CASP8: variants seen among roughly 807,000 people sequenced by gnomAD.
CASP8 encodes the protein caspase-8.
CASP8 carries 24 observed loss-of-function variants against 46.3 expected under a neutral mutation model. That is an observed-to-expected ratio of 0.52 (90% CI 0.38 to 0.73). The LOEUF is 0.73. Ranked by LOEUF, CASP8 falls within the 30% of genes least tolerant of loss-of-function variation. The probability of loss-of-function intolerance (pLI) is 0.00; values close to 1 mark genes in which losing one functional copy is unlikely to be tolerated. For synonymous variants in CASP8, 188 were observed against 200.4 expected (o/e 0.94, Z 0.52); for missense variants, 460 against 559.0 (o/e 0.82, Z 1.79).
At chr2:201,247,591 G>T (rs1314511585) in intron 2 of CASP8, among the ~76,000 whole-genome samples, 1 of 150,948 alleles carries the variant, frequency 6.6e-6, no homozygotes, top group Non-Finnish European at 1.5e-5. Flanking sequence ...TGATTCTCAT[G>T]CCTCAGCCTC....
At chr2:201,247,978 C>G (rs1946614581) in intron 2 of CASP8, among the ~76,000 whole-genome samples, 1 of 151,996 alleles carries the variant, frequency 6.6e-6, no homozygotes, top group Non-Finnish European at 1.5e-5. Flanking sequence ...GGGGGTCTCA[C>G]TATGTTTGTC....
chr2:201,234,400 G>C (rs529890150), intron 2 of CASP8, among the ~76,000 whole-genome samples: 2 of 152,160 alleles, frequency 1.3e-5, no homozygotes, highest in Non-Finnish European at 2.9e-5. Context: ...TGGGTAGTAC[G>C]CAGACATTAT....
rs34755805 is a variant in CASP8, at chr2:201,268,978, G to A, written c.305+2187G>A. 4.0e-3 allele frequency among the ~76,000 whole-genome samples: 588 copies of A among 148,702 alleles called. 1 individual carries two copies. Among genetic ancestry groups the A allele is most frequent in the African/African-American group, 0.014 (574 of 40,512 alleles). ...GTGTGAGACAGTGTCTCACTACATC[G>A]CCCAAGCTGGAGTGCAGTGGCATGA... On this transcript the variant is annotated intron_variant, in intron 2 of 8. Transcript: ENST00000673742.
Position 201,272,747 on chromosome 2 carries a change from TAATC to T in CASP8, c.524_527del (p.Ile175ThrfsTer30), listed in dbSNP as rs754434271. On this transcript the variant is annotated frameshift_variant, in exon 4 of 9. Transcript: ENST00000673742. LOFTEE classifies it high-confidence loss of function. The surrounding 1 kb of genome is among the most constrained non-coding windows in gnomAD (Gnocchi z 4.4). Reference sequence around the variant, plus strand: ...CAAATCAACAAGAGCCTGCTGAAGATAATCAACGACTATGAAGAATTCAGCAAAG... The same window carrying T: ...CAAATCAACAAGAGCCTGCTGAAGATAACGACTATGAAGAATTCAGCAAAG... 1.2e-6 allele frequency: 2 copies of T among 1,614,084 alleles called. No homozygotes were observed. Among genetic ancestry groups the T allele is most frequent in the Non-Finnish European group, 1.7e-6 (2 of 1,180,044 alleles).
At position 201,287,527 on chromosome 2, in the gene CASP8, A is replaced by G. The variant is rs926930276; in HGVS notation, c.*933A>G. The G allele has an allele frequency of 1.3e-5, 2 of 154,654 alleles. No homozygotes were observed. Among genetic ancestry groups the G allele is most frequent in the Admixed American group, 1.3e-4 (2 of 15,282 alleles). 9.6% of individuals were successfully genotyped at this position (154,654 alleles called of 1,614,324 possible). ...CCTTCTTATTGCTTTTATGATATAT[A>G]TATGCTTGGCTAACTATATTTGCTT... is the stretch of plus-strand genomic sequence containing the variant. On this transcript the variant is annotated 3_prime_UTR_variant, in exon 9 of 9. Transcript: ENST00000673742.
At chr2:201,258,015 G>A (rs150945202), upstream of CASP8, 2 of 563,160 alleles carry the variant, frequency 3.6e-6, no homozygotes, top group Non-Finnish European at 6.3e-6. Flanking sequence ...CTTTAAACAG[G>A]AAACATTTCT....
intron 8 of CASP8, among the ~76,000 whole-genome samples, chr2:201,286,143 G>A (rs1949546584): frequency 1.3e-5 from 2 of 152,244 alleles, no homozygotes; most frequent in Non-Finnish European, 1.5e-5. Flanking sequence ...GGGCATTGAA[G>A]CAATGGGGAG....
At chr2:201,242,200 T>C (rs555247816) in intron 2 of CASP8, 2 of 152,282 alleles carry the variant, frequency 1.3e-5, no homozygotes, top group African/African-American at 2.4e-5. Flanking sequence ...GACAAACACA[T>C]AGGCCATCAG....
At chr2:201,238,276 A>G (rs1946141245) in intron 2 of CASP8, among the ~76,000 whole-genome samples, 1 of 152,180 alleles carries the variant, frequency 6.6e-6, no homozygotes, top group South Asian at 2.1e-4. Context: ...GCAAGTGGGG[A>G]ACTTGCTCTG....
At chr2:201,244,986 CT>C (rs1946449389) in intron 2 of CASP8, among the ~76,000 whole-genome samples, 1 of 152,196 alleles carries the variant, frequency 6.6e-6, no homozygotes, top group Non-Finnish European at 1.5e-5. Context: ...GGCCGAGGTT[CT>C]TTTATTCCCT....
chr2:201,257,611 T>C (rs1947086875), upstream of CASP8, among the ~76,000 whole-genome samples: 1 of 152,060 alleles, frequency 6.6e-6, no homozygotes, highest in African/African-American at 2.4e-5. Context: ...CTGGAGAACA[T>C]GGCCAAGGAT....
At position 201,272,850 on chromosome 2, in the gene CASP8, C is replaced by T. The variant is rs113850879; in HGVS notation, c.551-48C>T. On this transcript the variant is annotated intron_variant, in intron 4 of 8. Transcript: ENST00000673742. This position sits in a 1 kb window ranked among gnomAD's most constrained non-coding sequence, Gnocchi z 4.4. ...GAAACTGACAAATCGCTCCATATCA[C>T]AGTTGTTTCTAATCAAATATTGTTT... 1.2e-5 allele frequency: 20 copies of T among 1,613,388 alleles called. No homozygotes were observed. Among genetic ancestry groups the T allele is most frequent in the African/African-American group, 8.0e-5 (6 of 75,052 alleles).
In CASP8 at chr2:201,276,872, T is replaced by C. The variant is rs1948665323; in HGVS notation, c.706T>C (p.Cys236Arg). Residue 236 changes from cysteine (C) to arginine (R), a missense_variant, in exon 7 of 9, where the codon TGT becomes CGT. Coordinates refer to ENST00000673742, the MANE Select transcript of CASP8 (RefSeq NM_001372051.1). The part of the protein sequence containing the change: ...YQMKSKPRGY[C>R]LIINNHNFAK... ...AATGAAAAGCAAACCTCGGGGATAC[T>C]GTCTGATCATCAACAATCACAATTT... 3 of 1,613,980 alleles carry C rather than the reference T, an allele frequency of 1.9e-6. No homozygotes were observed. The highest frequency in any genetic ancestry group is 1.1e-5 in the South Asian group (1 of 91,090).
chr2:201,262,502 T>C lies in CASP8; in HGVS notation c.-27+1889T>C, dbSNP rs1947493091. Among the ~76,000 whole-genome samples, 6 of 151,972 alleles carry C rather than the reference T, an allele frequency of 3.9e-5. 2 individuals carry two copies. In the South Asian group the frequency reaches 1.2e-3, roughly 31 times the overall value. ...GATTATATAAAATATATGTATTACA[T>C]GGCAACATATTCAAATTTACATATG... On this transcript the variant is annotated intron_variant, in intron 1 of 8. Transcript: ENST00000673742.
chr2:201,277,008 A>G (rs764539361), intron 7 of CASP8, 40 bp downstream of exon 7: 3 of 1,453,760 alleles, frequency 2.1e-6, no homozygotes, highest in Admixed American at 1.7e-5. Flanking sequence ...AATATTTCTT[A>G]TGCCTATTTT....
chr2:201,235,958 T>G (rs1400969806), intron 2 of CASP8, among the ~76,000 whole-genome samples: 1 of 152,242 alleles, frequency 6.6e-6, no homozygotes, highest in Non-Finnish European at 1.5e-5. Flanking sequence ...CTAGACCATA[T>G]AGCCTAGGTG....
Position 201,272,977 on chromosome 2 carries a change from A to C in CASP8, c.595+35A>C. ...GGAGATACATTTTCAAGATTTAGTT[A>C]ATTTACTATCTGGTACCTGCATGTG... On this transcript the variant is annotated intron_variant, in intron 5 of 8. Transcript: ENST00000673742. The surrounding 1 kb of genome is among the most constrained non-coding windows in gnomAD (Gnocchi z 4.4). 1.3e-6 allele frequency: 2 copies of C among 1,584,800 alleles called. No homozygotes were observed. Among genetic ancestry groups the C allele is most frequent in the Admixed American group, 3.3e-5 (2 of 59,968 alleles).
Position 201,286,626 on chromosome 2 carries a change from G to GT in CASP8, c.*39dup, listed in dbSNP as rs748265805. 1.1e-5 allele frequency: 18 copies of GT among 1,591,974 alleles called. No homozygotes were observed. Among genetic ancestry groups the GT allele is most frequent in the African/African-American group, 5.4e-5 (4 of 74,152 alleles). ...TATTTTGTTTGTTTTGTTTTGTTTT[G>GT]TTTTTTTGAGACAGAATCTCGCTCT... On this transcript the variant is annotated 3_prime_UTR_variant, in exon 9 of 9. Transcript: ENST00000673742.
chr2:201,261,762 C>T lies in CASP8; in HGVS notation c.-27+1149C>T, dbSNP rs545236602. Among the ~76,000 whole-genome samples the T allele has an allele frequency of 3.3e-5, 5 of 152,302 alleles. No individual in the cohort carries two copies. The East Asian group carries it at 7.7e-4, about 24-fold the overall frequency. Reference sequence around the variant, plus strand: ...AGAGCGAGTGGCTTTCAGGTTCTCTCAAGCTTCGGATGAGATGCAGGTTTC... The same window carrying T: ...AGAGCGAGTGGCTTTCAGGTTCTCTTAAGCTTCGGATGAGATGCAGGTTTC... On this transcript the variant is annotated intron_variant, in intron 1 of 8. Coordinates refer to ENST00000673742, the MANE Select transcript of CASP8 (RefSeq NM_001372051.1).
Sources: allele counts gnomAD v4.1 joint callset (sites outside exome capture counted in the v4.1 genomes callset), GRCh38; gene constraint gnomAD v4.1.1; non-coding constraint Gnocchi (gnomAD v3.1); transcripts MANE v1.5; gene names NCBI Gene and HGNC (gene_info 2026-07-23, HGNC 2026-07-21).